The following ADRA1A variants were observed in gnomAD, a reference collection of about 807,000 sequenced individuals.
The protein encoded by ADRA1A is adrenoceptor alpha 1A, also known as alpha-1A adrenergic receptor.
ADRA1A carries 31 observed loss-of-function variants against 29.6 expected under a neutral mutation model. The observed-to-expected ratio is 1.05, with a 90% CI of 0.79 to 1.41. ADRA1A has a LOEUF of 1.41. ADRA1A is among the 40% of genes most tolerant of loss of function. The pLI, the probability that ADRA1A is intolerant of heterozygous loss-of-function variation, is 0.00. For missense variants in ADRA1A, 619 were observed against 601.1 expected (o/e 1.03, Z -0.31); for synonymous variants, 311 against 254.3 (o/e 1.22, Z -2.12).
intron 2 of ADRA1A, among the ~76,000 whole-genome samples, chr8:26,785,563 C>T (rs1807314232): frequency 6.6e-6 from 1 of 151,508 alleles, no homozygotes; most frequent in East Asian, 1.9e-4. Context: ...TTTTCAATTG[C>T]AAGAGTAGAA....
intron 2 of ADRA1A, among the ~76,000 whole-genome samples, chr8:26,797,038 T>G (rs115142841): frequency 0.017 from 2,635 of 152,248 alleles, 68 homozygotes; most frequent in African/African-American, 0.057. Flanking sequence ...TAAGGCAGTA[T>G]TTGCCTTTGC....
At chr8:26,794,637 T>A (rs920391244) in intron 2 of ADRA1A, among the ~76,000 whole-genome samples, 3 of 152,126 alleles carry the variant, frequency 2.0e-5, no homozygotes, top group African/African-American at 7.2e-5. Context: ...TTTGTTTGAT[T>A]GTTAAAAATT....
At chr8:26,843,473 T>C (rs1811976543) in intron 2 of ADRA1A, among the ~76,000 whole-genome samples, 2 of 152,134 alleles carry the variant, frequency 1.3e-5, no homozygotes, top group Non-Finnish European at 2.9e-5. Context: ...CTGATCAGGG[T>C]TGGAGTAGAG....
chr8:26,762,650 C>G, downstream of ADRA1A, among the ~76,000 whole-genome samples: 1 of 152,262 alleles, frequency 6.6e-6, no homozygotes, highest in Non-Finnish European at 1.5e-5. The surrounding 1 kb of genome is among the most constrained non-coding windows in gnomAD (Gnocchi z 4.0). Flanking sequence ...CAAGACCAAA[C>G]AGGGGACGAA....
chr8:26,864,781 G>A lies in ADRA1A; in HGVS notation c.189C>T (p.Tyr63=). 6.2e-7 allele frequency: 1 copy of A among 1,614,188 alleles called. No homozygotes were observed. Among genetic ancestry groups the A allele is most frequent in the South Asian group, 1.1e-5 (1 of 91,080 alleles). The change falls in exon 2 of 3, where the codon TAC becomes TAT. Residue 63 remains tyrosine, a synonymous_variant. Coordinates refer to ENST00000380573, the MANE Select transcript of ADRA1A (RefSeq NM_000680.4). The surrounding 1 kb of genome is among the most constrained non-coding windows in gnomAD (Gnocchi z 8.1). Reference sequence around the variant, plus strand: ...CGGCCACCGCCAGGTTGACGATGTAGTAGTGCGTGACTGAGTGCAGGTGTC... The same window carrying A: ...CGGCCACCGCCAGGTTGACGATGTAATAGTGCGTGACTGAGTGCAGGTGTC... ...CHRHLHSVTH[Y]YIVNLAVADL...
At chr8:26,758,099 T>G (rs1805298441) in intron 2 of ADRA1A, among the ~76,000 whole-genome samples, 1 of 152,204 alleles carries the variant, frequency 6.6e-6, no homozygotes, top group Non-Finnish European at 1.5e-5. Flanking sequence ...AAGACAAATT[T>G]TCCAGGTGGG....
At chr8:26,803,857 G>A (rs62492224) in intron 2 of ADRA1A, among the ~76,000 whole-genome samples, 13,301 of 150,668 alleles carry the variant, frequency 0.088, 918 homozygotes, top group East Asian at 0.33. Context: ...AATGAAAAGC[G>A]TAATGAGATA....
intron 2 of ADRA1A, chr8:26,757,243 TG>T: frequency 1.5e-6 from 1 of 676,280 alleles, no homozygotes; most frequent in Admixed American, 2.1e-5. Context: ...AGAGACCATT[TG>T]GCAGGGAGAT....
chr8:26,756,625 A>G (rs1401825564), exon 3 of ADRA1A: 2 of 1,573,866 alleles, frequency 1.3e-6, no homozygotes, highest in Admixed American at 3.7e-5. Flanking sequence ...ATAAAGAAGT[A>G]AATCCAAGTG....
downstream of ADRA1A, among the ~76,000 whole-genome samples, chr8:26,756,064 C>T (rs531411864): frequency 1.3e-5 from 2 of 152,316 alleles, no homozygotes; most frequent in East Asian, 3.9e-4. Flanking sequence ...TCATCTATCA[C>T]ACTTGCTTCC....
At chr8:26,814,044 G>A (rs1303340554) in intron 2 of ADRA1A, among the ~76,000 whole-genome samples, 1 of 152,114 alleles carries the variant, frequency 6.6e-6, no homozygotes, top group Non-Finnish European at 1.5e-5. Context: ...TTAAAATAAT[G>A]AGTTAGTTGC....
At chr8:26,817,614 CA>C (rs1344223076) in intron 2 of ADRA1A, among the ~76,000 whole-genome samples, 11 of 151,950 alleles carry the variant, frequency 7.2e-5, no homozygotes, top group African/African-American at 2.7e-4. Flanking sequence ...GCTGCCTCTA[CA>C]AAAAATACAA....
At chr8:26,853,166 T>C (rs915938921) in intron 2 of ADRA1A, among the ~76,000 whole-genome samples, 3 of 152,198 alleles carry the variant, frequency 2.0e-5, no homozygotes, top group Non-Finnish European at 4.4e-5. Context: ...TAGATCTGTA[T>C]AGTTTTGTAA....
chr8:26,832,619 G>T (rs2130655781), intron 2 of ADRA1A, among the ~76,000 whole-genome samples: 1 of 152,196 alleles, frequency 6.6e-6, no homozygotes. Flanking sequence ...AAACAAAAAA[G>T]AAAAGAAAAT....
At chr8:26,811,262 G>A (rs1190025092) in intron 2 of ADRA1A, among the ~76,000 whole-genome samples, 3 of 151,310 alleles carry the variant, frequency 2.0e-5, no homozygotes, top group Non-Finnish European at 2.9e-5. Context: ...GCGCGATCTC[G>A]GCTCGCTGCA....
intron 2 of ADRA1A, among the ~76,000 whole-genome samples, chr8:26,856,176 A>C (rs1207447616): frequency 6.6e-6 from 1 of 152,224 alleles, no homozygotes; most frequent in Non-Finnish European, 1.5e-5. Context: ...ATTTCTGATC[A>C]CGAGAAAGCT....
intron 2 of ADRA1A, among the ~76,000 whole-genome samples, chr8:26,803,387 A>G (rs1217786958): frequency 1.3e-5 from 2 of 152,210 alleles, no homozygotes; most frequent in Non-Finnish European, 2.9e-5. Context: ...TAAAAATGAA[A>G]AAAGATGACT....
chr8:26,768,118 A>G (rs971993952), downstream of ADRA1A, among the ~76,000 whole-genome samples: 5 of 152,230 alleles, frequency 3.3e-5, no homozygotes, highest in African/African-American at 1.2e-4. Context: ...CTCCAGGTCT[A>G]AATACAACCT....
intron 2 of ADRA1A, among the ~76,000 whole-genome samples, chr8:26,772,613 C>G (rs555498630): frequency 3.9e-5 from 6 of 152,248 alleles, no homozygotes; most frequent in Non-Finnish European, 5.9e-5. Context: ...AACCTAAGGT[C>G]TTGATTTTAT....
Sources: gnomAD v4.1 joint callset for allele counts (sites outside exome capture counted in the v4.1 genomes callset) on GRCh38, gnomAD v4.1.1 for gene constraint, Gnocchi (gnomAD v3.1) non-coding constraint, MANE v1.5 for transcripts, NCBI Gene and HGNC (gene_info 2026-07-23, HGNC 2026-07-21) for gene names.